GLIS3: variants seen among roughly 807,000 people sequenced by gnomAD.
GLIS3 encodes the protein zinc finger protein GLIS3.
GLIS3 carries 53 observed loss-of-function variants against 78.6 expected under a neutral mutation model. That is an observed-to-expected ratio of 0.67 (90% CI 0.54 to 0.85). The LOEUF (loss-of-function observed/expected upper bound fraction) is 0.85, where lower values mean the gene tolerates loss of function less well. Ranked by LOEUF, GLIS3 falls within the 40% of genes least tolerant of loss-of-function variation. The probability of loss-of-function intolerance (pLI) is 0.00; values close to 1 mark genes in which losing one functional copy is unlikely to be tolerated. For missense variants in GLIS3, 1,703 were observed against 1,231.1 expected (o/e 1.38, Z -5.74); for synonymous variants, 684 against 509.9 (o/e 1.34, Z -4.60).
At chr9:4,322,962 T>C (rs1255791010) in intron 2 of GLIS3, among the ~76,000 whole-genome samples, 1 of 152,196 alleles carries the variant, frequency 6.6e-6, no homozygotes, top group African/African-American at 2.4e-5. Flanking sequence ...TTGCTTTTGG[T>C]GTTTTAGTCA....
At chr9:3,953,795 C>CTCTATATATA (rs1403671770) in intron 4 of GLIS3, among the ~76,000 whole-genome samples, 25 of 73,326 alleles carry the variant, frequency 3.4e-4, no homozygotes, top group Admixed American at 1.9e-3. Context: ...CTCTCTCTCT[C>CTCTATATATA]TATATATATA....
At chr9:4,395,869 G>C in the GLIS3 span, among the ~76,000 whole-genome samples, 1 of 150,368 alleles carries the variant, frequency 6.7e-6, no homozygotes, top group Non-Finnish European at 1.5e-5. Flanking sequence ...CGACTCCCTA[G>C]TTCAAGCGAT....
Position 4,299,671 on chromosome 9 carries a change from A to AG in GLIS3, c.-350dup, listed in dbSNP as rs1241185303. Reference sequence around the variant, plus strand: ...CGAGGGCAGCGGCGGCAGGGGGAGGAGGAGGCAGAGGCGGGGTGGCTGGAC... The same window carrying AG: ...CGAGGGCAGCGGCGGCAGGGGGAGGAGGGAGGCAGAGGCGGGGTGGCTGGAC... On this transcript the variant is annotated 5_prime_UTR_variant, in exon 1 of 11. It removes the in-frame stop codon of an upstream open reading frame in the 5' UTR. Coordinates refer to ENST00000381971, the MANE Select transcript of GLIS3 (RefSeq NM_001042413.2). 6.6e-6 allele frequency: 1 copy of AG among 152,572 alleles called. No homozygotes were observed. The highest frequency in any genetic ancestry group is 1.5e-5 in the Non-Finnish European group (1 of 68,168). 9.5% of individuals were successfully genotyped at this position (152,572 alleles called of 1,614,324 possible).
the GLIS3 span, among the ~76,000 whole-genome samples, chr9:4,423,337 G>A: frequency 6.6e-6 from 1 of 152,094 alleles, no homozygotes; most frequent in Non-Finnish European, 1.5e-5. Context: ...CCTCTGAGTT[G>A]CATCTTAGTC....
intron 9 of GLIS3, among the ~76,000 whole-genome samples, chr9:3,834,374 G>A (rs1173568498): frequency 6.6e-6 from 1 of 152,228 alleles, no homozygotes; most frequent in Middle Eastern, 3.2e-3. Flanking sequence ...CCATGATGAT[G>A]AAAATGCTCT....
chr9:4,200,447 A>G (rs1489810604), intron 2 of GLIS3, among the ~76,000 whole-genome samples: 1 of 152,154 alleles, frequency 6.6e-6, no homozygotes, highest in Non-Finnish European at 1.5e-5. Context: ...AGATCCAAAT[A>G]AGCACAATCA....
chr9:4,031,711 T>G (rs1823848947), intron 4 of GLIS3, among the ~76,000 whole-genome samples: 2 of 152,080 alleles, frequency 1.3e-5, no homozygotes, highest in African/African-American at 4.8e-5. Context: ...AAGACACTGC[T>G]CATAGGTACC....
intron 2 of GLIS3, among the ~76,000 whole-genome samples, chr9:4,188,477 C>T (rs1435020307): frequency 2.0e-5 from 3 of 150,172 alleles, no homozygotes; most frequent in Non-Finnish European, 3.0e-5. Context: ...TGTGTCTCTG[C>T]CCGGCTTTGG....
At chr9:4,139,736 G>A (rs1833666281) in intron 2 of GLIS3, among the ~76,000 whole-genome samples, 1 of 152,160 alleles carries the variant, frequency 6.6e-6, no homozygotes, top group African/African-American at 2.4e-5. Flanking sequence ...ATTATAATTA[G>A]ATTCTCGTAA....
chr9:4,350,010 G>A (rs1191851354), upstream of GLIS3, among the ~76,000 whole-genome samples: 3 of 152,230 alleles, frequency 2.0e-5, no homozygotes, highest in Non-Finnish European at 4.4e-5. Context: ...GACTTAGACG[G>A]ACCAAGAGCA....
intron 7 of GLIS3, among the ~76,000 whole-genome samples, chr9:3,883,071 C>T (rs865996262): frequency 2.0e-5 from 3 of 152,244 alleles, no homozygotes; most frequent in Admixed American, 1.3e-4. Context: ...TTTATCCAAT[C>T]CCCATCTCAC....
intron 2 of GLIS3, among the ~76,000 whole-genome samples, chr9:4,262,924 T>A (rs1825658655): frequency 7.3e-6 from 1 of 136,366 alleles, no homozygotes; most frequent in Admixed American, 7.7e-5. Context: ...ATTGTTTCAG[T>A]GTTTGCCTCA....
the GLIS3 span, among the ~76,000 whole-genome samples, chr9:4,466,778 G>C: frequency 6.6e-6 from 1 of 152,178 alleles, no homozygotes; most frequent in Non-Finnish European, 1.5e-5. Flanking sequence ...ATCTCACTAG[G>C]GCTTGTCAGA....
At chr9:4,371,309 G>A in the GLIS3 span, among the ~76,000 whole-genome samples, 1 of 152,140 alleles carries the variant, frequency 6.6e-6, no homozygotes, top group Admixed American at 6.5e-5. Context: ...AATAGGCATG[G>A]CTGAGTCAGT....
At chr9:4,162,942 GTTC>G (rs71497524) in intron 2 of GLIS3, among the ~76,000 whole-genome samples, 60,880 of 149,806 alleles carry the variant, frequency 0.41, 13,825 homozygotes, top group East Asian at 0.69. Flanking sequence ...TCAAGAAAAT[GTTC>G]TTTTTAACTG....
At chr9:4,352,795 T>C (rs1817991229), upstream of GLIS3, among the ~76,000 whole-genome samples, 1 of 152,226 alleles carries the variant, frequency 6.6e-6, no homozygotes, top group Non-Finnish European at 1.5e-5. Context: ...TGGTCATAAA[T>C]AAACTTTCTT....
chr9:4,274,477 C>A (rs920777131), intron 2 of GLIS3, among the ~76,000 whole-genome samples: 4 of 152,062 alleles, frequency 2.6e-5, no homozygotes, highest in Non-Finnish European at 5.9e-5. Context: ...GGCACACACA[C>A]CCCACTCCAC....
chr9:4,349,964 G>A (rs1230010296), upstream of GLIS3, among the ~76,000 whole-genome samples: 1 of 152,224 alleles, frequency 6.6e-6, no homozygotes, highest in Non-Finnish European at 1.5e-5. Flanking sequence ...CTGTGGGTGG[G>A]CAGCCCAGGC....
chr9:3,979,753 C>G (rs996130731), intron 4 of GLIS3, among the ~76,000 whole-genome samples: 1 of 152,178 alleles, frequency 6.6e-6, no homozygotes, highest in Non-Finnish European at 1.5e-5. Flanking sequence ...TTGGTCTCTA[C>G]TTATGTGCCA....
Sources: gnomAD v4.1 joint callset for allele counts (sites outside exome capture counted in the v4.1 genomes callset) on GRCh38, gnomAD v4.1.1 for gene constraint, MANE v1.5 for transcripts, NCBI Gene and HGNC (gene_info 2026-07-23, HGNC 2026-07-21) for gene names.